The following VNN2 variants were observed in gnomAD, a reference collection of about 807,000 sequenced individuals.
The protein encoded by VNN2 is pantetheine hydrolase VNN2.
In VNN2, 43 loss-of-function variants were observed where a neutral mutation model predicts 43.0. The ratio of observed to expected loss-of-function variants is 1.00; its 90% confidence interval spans 0.78 to 1.29. The LOEUF is 1.29. Among genes scored for constraint, VNN2 ranks in the 50% most tolerant of loss-of-function variants. VNN2 has a pLI of 0.00. For missense variants in VNN2, 652 were observed against 619.7 expected (o/e 1.05, Z -0.55); for synonymous variants, 230 against 224.3 (o/e 1.03, Z -0.23).
rs1220793608 is a variant in VNN2, at chr6:132,752,626, C to T, written c.661G>A (p.Val221Ile). 2 of 1,614,162 alleles carry T rather than the reference C, an allele frequency of 1.2e-6. No individual in the cohort carries two copies. The highest frequency in any genetic ancestry group is 1.7e-6 in the Non-Finnish European group (2 of 1,180,034). Residue 221 changes from valine (V) to isoleucine (I), a missense_variant, in exon 4 of 7, where the codon GTT (valine) becomes ATT (isoleucine). Physicochemically the swap from Val to Ile is conservative, Grantham distance 29. Coordinates refer to ENST00000326499, the MANE Select transcript of VNN2 (RefSeq NM_004665.6). ...CFDIFFYDPG[V>I]TLVKDFHVDT... Reference sequence around the variant, plus strand: ...ACATGGAAATCTTTCACCAGGGTAACACCAGGATCATAGAAGAATATATCA... The same window carrying T: ...ACATGGAAATCTTTCACCAGGGTAATACCAGGATCATAGAAGAATATATCA...
At chr6:132,744,912 G>T (rs116688365) in intron 6 of VNN2, among the ~76,000 whole-genome samples, 3 of 151,256 alleles carry the variant, frequency 2.0e-5, no homozygotes, top group Admixed American at 6.6e-5. Flanking sequence ...AGTGCTAGGA[G>T]GTCTGAGAAA....
intron 4 of VNN2, 126 bp from the exon 5 acceptor site, chr6:132,751,644 T>G: frequency 5.5e-6 from 6 of 1,098,576 alleles, no homozygotes; most frequent in Non-Finnish European, 7.6e-6. Flanking sequence ...AGAGGATACA[T>G]GCTTCTAATT....
At chr6:132,761,155 T>C (rs1780729021), upstream of VNN2, among the ~76,000 whole-genome samples, 1 of 152,140 alleles carries the variant, frequency 6.6e-6, no homozygotes, top group South Asian at 2.1e-4. Context: ...TAAAGATGAT[T>C]GATCAGGTAA....
chr6:132,754,785 AAAT>A (rs1780351965), intron 3 of VNN2, among the ~76,000 whole-genome samples: 5 of 152,264 alleles, frequency 3.3e-5, no homozygotes, highest in Admixed American at 3.3e-4. Flanking sequence ...CTGGTGTAGA[AAAT>A]AAGGTATTTT....
chr6:132,752,544 A>G lies in VNN2; in HGVS notation c.743T>C (p.Ile248Thr), dbSNP rs1780176170. Residue 248 changes from isoleucine (I) to threonine (T), a missense_variant, in exon 4 of 7, where the codon ATT becomes ACT. Physicochemically the swap from Ile to Thr is moderately conservative, Grantham distance 89. Coordinates refer to ENST00000326499, the MANE Select transcript of VNN2 (RefSeq NM_004665.6). ...WMNVLPLLTAIEFHSAWAMGM... is the reference protein window; with the variant it reads ...WMNVLPLLTATEFHSAWAMGM... ...CATTGCCCAAGCTGAATGGAATTCA[A>G]TAGCTGTCAAAAGGGGCAAAACGTT... The G allele has an allele frequency of 6.2e-7, 1 of 1,614,204 alleles. No homozygotes were observed. Among genetic ancestry groups the G allele is most frequent in the Admixed American group, 1.7e-5 (1 of 60,026 alleles).
At chr6:132,750,513 ATT>A (rs34119593) in intron 5 of VNN2, among the ~76,000 whole-genome samples, 1 of 78,514 alleles carries the variant, frequency 1.3e-5, no homozygotes. Context: ...ATATATATAT[ATT>A]TTTCCAGGTG....
chr6:132,745,934 T>C (rs1270841041), intron 6 of VNN2, among the ~76,000 whole-genome samples: 1 of 152,038 alleles, frequency 6.6e-6, no homozygotes, highest in Non-Finnish European at 1.5e-5. Flanking sequence ...GGAGAAGAAA[T>C]TGAAAATTAG....
chr6:132,757,731 C>T lies in VNN2; in HGVS notation c.153G>A (p.Leu51=). 6.2e-7 allele frequency: 1 copy of T among 1,614,116 alleles called. No homozygotes were observed. Among genetic ancestry groups the T allele is most frequent in the Non-Finnish European group, 8.5e-7 (1 of 1,180,012 alleles). The stretch of plus-strand genomic sequence containing the variant: ...TGTCTATATTCTCGTTCATGAGATT[C>T]AAGGCATCCTCCTGAGAAACTGGTG... The part of the protein sequence containing the change: ...TETPVSQEDA[L]NLMNENIDIL... The change falls in exon 1 of 7, where the codon TTG becomes TTA. Residue 51 remains leucine, a synonymous_variant. Coordinates refer to ENST00000326499, the MANE Select transcript of VNN2 (RefSeq NM_004665.6).
chr6:132,751,199 G>A lies in VNN2; in HGVS notation c.1146C>T (p.Tyr382=), dbSNP rs528212065. 1.6e-5 allele frequency: 26 copies of A among 1,613,918 alleles called. No individual in the cohort carries two copies. In the South Asian group the frequency reaches 2.0e-4, roughly 12 times the overall value. Residue 382 remains tyrosine (Y), a synonymous_variant, in exon 5 of 7, where the codon TAC becomes TAT. Transcript: ENST00000326499. ...GTAATCCTGTAAAAGCTCCTAGAAC[G>A]TATACTTCATTCTCTTCTTTTTGTA... ...RMLQKEENEV[Y]VLGAFTGLHG...
Position 132,744,293 on chromosome 6 carries a change from A to G in VNN2, c.*7T>C. 1 of 1,600,428 alleles carries G rather than the reference A, an allele frequency of 6.2e-7. No homozygotes were observed. Among genetic ancestry groups the G allele is most frequent in the South Asian group, 1.1e-5 (1 of 88,038 alleles). ...ATGATGCAGAAGCTGAGTGATAAAG[A>G]GACGCCCTATAACATTACAATATTT... On this transcript the variant is annotated 3_prime_UTR_variant, in exon 7 of 7. Transcript: ENST00000326499.
At chr6:132,749,899 C>A in intron 5 of VNN2, 34 bp from the exon 6 acceptor site, 1 of 1,580,874 alleles carries the variant, frequency 6.3e-7, no homozygotes, top group Non-Finnish European at 8.6e-7. Context: ...AACGCAATGC[C>A]TTACATTGAA....
chr6:132,758,524 T>C (rs931046157), upstream of VNN2, among the ~76,000 whole-genome samples: 1 of 152,176 alleles, frequency 6.6e-6, no homozygotes. Context: ...CCAGCTTTTG[T>C]TAATAGAAAC....
intron 3 of VNN2, chr6:132,753,852 CTGAGGCAGGAGAATGGG>C: frequency 6.6e-6 from 1 of 150,982 alleles, no homozygotes; most frequent in Non-Finnish European, 1.4e-5. Context: ...ACTCAGGAGG[CTGAGGCAGGAGAATGGG>C]TTGAACCTGG....
At chr6:132,759,734 G>A (rs1780695001), upstream of VNN2, among the ~76,000 whole-genome samples, 1 of 152,112 alleles carries the variant, frequency 6.6e-6, no homozygotes, top group Non-Finnish European at 1.5e-5. Context: ...TTTCTGCTTT[G>A]AATAGAAGTT....
rs187954278 is a variant in VNN2, at chr6:132,747,486, A to G, written c.1371+2209T>C. Among the ~76,000 whole-genome samples, 32 of 152,178 alleles carry G rather than the reference A, an allele frequency of 2.1e-4. 1 individual carries two copies. The East Asian group carries it at 5.8e-3, about 28-fold the overall frequency. On this transcript the variant is annotated intron_variant, in intron 6 of 6. Coordinates refer to ENST00000326499, the MANE Select transcript of VNN2 (RefSeq NM_004665.6). ...ACAAAAAGTAGCTGGGCGTGGTGGCATGCACCTGTAGTCCCAGCTACTTAT... is the reference window on the plus strand; with the variant it reads ...ACAAAAAGTAGCTGGGCGTGGTGGCGTGCACCTGTAGTCCCAGCTACTTAT...
At chr6:132,751,078 C>A in intron 5 of VNN2, 67 bp downstream of exon 5, 1 of 1,518,478 alleles carries the variant, frequency 6.6e-7, no homozygotes, top group Non-Finnish European at 8.8e-7. Context: ...TTTTCTGGAA[C>A]AAATATAAAA....
At chr6:132,756,979 A>G (rs1271994660) in intron 2 of VNN2, among the ~76,000 whole-genome samples, 1 of 152,216 alleles carries the variant, frequency 6.6e-6, no homozygotes, top group East Asian at 1.9e-4. Flanking sequence ...ATGCAGTTTC[A>G]AAGCATAAGG....
At chr6:132,756,822 A>G (rs914877985) in intron 2 of VNN2, among the ~76,000 whole-genome samples, 2 of 152,206 alleles carry the variant, frequency 1.3e-5, no homozygotes, top group African/African-American at 4.8e-5. Flanking sequence ...ATCTCCAGAT[A>G]TAATTTTGTC....
At chr6:132,755,711 A>G in intron 3 of VNN2, 132 bp downstream of exon 3, 2 of 1,052,754 alleles carry the variant, frequency 1.9e-6, no homozygotes, top group Non-Finnish European at 2.6e-6. Flanking sequence ...CTTTCAAAAA[A>G]CAAAAAACAA....
Sources: gnomAD v4.1 joint callset for allele counts (sites outside exome capture counted in the v4.1 genomes callset) on GRCh38, gnomAD v4.1.1 for gene constraint, MANE v1.5 for transcripts, NCBI Gene and HGNC (gene_info 2026-07-23, HGNC 2026-07-21) for gene names.